Variants in GXYLT2 observed in about 807,000 individuals in gnomAD.
GXYLT2 encodes the protein glycosyltransferase 8 domain containing 4.
A neutral mutation model predicts 45.8 loss-of-function variants in GXYLT2; 53 were observed. The observed-to-expected ratio is 1.16, with a 90% CI of 0.93 to 1.46. The LOEUF is 1.46. Among genes scored for constraint, GXYLT2 ranks in the 40% most tolerant of loss-of-function variants. GXYLT2 has a pLI of 0.00. For synonymous variants in GXYLT2, 219 were observed against 214.2 expected, an observed-to-expected ratio of 1.02 and a Z score of -0.19; for missense variants, 551 against 544.4, an observed-to-expected ratio of 1.01 and a Z score of -0.12.
At chr3:72,918,710 G>A (rs1176898100) in intron 2 of GXYLT2, among the ~76,000 whole-genome samples, 2 of 151,926 alleles carry the variant, frequency 1.3e-5, no homozygotes, top group Non-Finnish European at 2.9e-5. Context: ...GTCTACTCGG[G>A]AGGCTACTCG....
intron 1 of GXYLT2, among the ~76,000 whole-genome samples, chr3:72,907,508 A>G (rs908600884): frequency 6.6e-6 from 1 of 151,888 alleles, no homozygotes; most frequent in South Asian, 2.1e-4. Flanking sequence ...ACTTCTTCCA[A>G]CTTGACTGCA....
intron 3 of GXYLT2, among the ~76,000 whole-genome samples, chr3:72,927,878 C>T (rs1390126192): frequency 6.6e-6 from 1 of 152,152 alleles, no homozygotes; most frequent in Non-Finnish European, 1.5e-5. Flanking sequence ...AGGATATTAG[C>T]TACAACTCTT....
Position 72,955,087 on chromosome 3 carries a change from T to TA in GXYLT2, c.601-10dup, listed in dbSNP as rs760895624. The stretch of plus-strand genomic sequence containing the variant: ...TCCTCTCCCCTTTACACCCACTCCT[T>TA]ACACACAAAGGTGATTTTAAAGGAT... On this transcript the variant is annotated splice_polypyrimidine_tract_variant and intron_variant, in intron 3 of 6. Transcript: ENST00000389617. The TA allele has an allele frequency of 6.2e-7, 1 of 1,612,922 alleles. No homozygotes were observed. The highest frequency in any genetic ancestry group is 1.7e-5 in the Admixed American group (1 of 60,002).
At chr3:72,889,896 G>GTTTTTTTTTTT (rs369830925) in intron 1 of GXYLT2, among the ~76,000 whole-genome samples, 7 of 135,532 alleles carry the variant, frequency 5.2e-5, no homozygotes, top group African/African-American at 2.0e-4. Context: ...TTTTCTTTTG[G>GTTTTTTTTTTT]TTTTTTTTTT....
intron 3 of GXYLT2, among the ~76,000 whole-genome samples, chr3:72,935,597 A>G (rs1201036920): frequency 6.6e-6 from 1 of 152,220 alleles, no homozygotes; most frequent in Non-Finnish European, 1.5e-5. Flanking sequence ...AGAAGATAAT[A>G]TTAGCTATCA....
intron 3 of GXYLT2, among the ~76,000 whole-genome samples, chr3:72,924,756 A>C (rs1372923004): frequency 6.6e-6 from 1 of 151,910 alleles, no homozygotes; most frequent in Non-Finnish European, 1.5e-5. Flanking sequence ...CATGAAAAGG[A>C]TTTTACCAGA....
intron 5 of GXYLT2, among the ~76,000 whole-genome samples, chr3:72,959,064 T>A (rs1327412573): frequency 7.3e-6 from 1 of 137,212 alleles, no homozygotes; most frequent in African/African-American, 2.7e-5. Flanking sequence ...CACCTCAGCC[T>A]CCCAAGTAGC....
chr3:72,965,553 A>G (rs1167003034), intron 5 of GXYLT2, among the ~76,000 whole-genome samples: 7 of 152,238 alleles, frequency 4.6e-5, no homozygotes, highest in Non-Finnish European at 4.4e-5. Context: ...CCGAGAAGCC[A>G]GGAAGCTAGG....
chr3:72,907,487 T>C (rs952854997), intron 1 of GXYLT2, among the ~76,000 whole-genome samples: 2 of 152,132 alleles, frequency 1.3e-5, no homozygotes, highest in African/African-American at 4.8e-5. Context: ...CAGGGCACCT[T>C]TTCCAGGCCA....
In GXYLT2 at chr3:72,919,088, C is replaced by T. The variant is rs114417849; in HGVS notation, c.469-3116C>T. Among the ~76,000 whole-genome samples, 1,158 of 152,186 alleles carry T rather than the reference C, an allele frequency of 7.6e-3. 15 individuals are homozygous for T. Among genetic ancestry groups the T allele is most frequent in the African/African-American group, 0.026 (1,099 of 41,518 alleles). On this transcript the variant is annotated intron_variant, in intron 2 of 6. Transcript: ENST00000389617. Reference sequence around the variant, plus strand: ...GACGGTTTGGCAGTTTCTTAGGAAGCTGAATATAGGCTTACTATACAATCC... The same window carrying T: ...GACGGTTTGGCAGTTTCTTAGGAAGTTGAATATAGGCTTACTATACAATCC...
intron 1 of GXYLT2, among the ~76,000 whole-genome samples, chr3:72,896,931 CT>C (rs906757877): frequency 3.3e-5 from 5 of 151,950 alleles, no homozygotes; most frequent in Admixed American, 2.6e-4. Context: ...AAATAACATG[CT>C]TTTTGCTGCC....
intron 5 of GXYLT2, among the ~76,000 whole-genome samples, chr3:72,967,174 T>C (rs575013700): frequency 1.3e-5 from 2 of 152,340 alleles, no homozygotes; most frequent in South Asian, 4.1e-4. Flanking sequence ...AGAGGTTGTA[T>C]TATTCCCATT....
At position 72,888,098 on chromosome 3, in the gene GXYLT2, C is replaced by A. The variant is rs1266334273; in HGVS notation, c.-136C>A. 2.2e-6 allele frequency: 1 copy of A among 445,930 alleles called. No individual in the cohort carries two copies. Among genetic ancestry groups the A allele is most frequent in the Non-Finnish European group, 2.9e-6 (1 of 339,908 alleles). 27.6% of individuals were successfully genotyped at this position (445,930 alleles called of 1,614,324 possible). On this transcript the variant is annotated 5_prime_UTR_variant, in exon 1 of 7. Coordinates refer to ENST00000389617, the MANE Select transcript of GXYLT2 (RefSeq NM_001080393.2). ...GTCGCCGCCGCCGCCGGCCGCCCGC[C>A]GGCCGCCACGACCCCAGTCCCCGGC...
Position 72,955,263 on chromosome 3 carries a change from G to C in GXYLT2, c.766G>C (p.Ala256Pro). 4.3e-6 allele frequency: 7 copies of C among 1,614,018 alleles called. No homozygotes were observed. Among genetic ancestry groups the C allele is most frequent in the Non-Finnish European group, 5.9e-6 (7 of 1,179,892 alleles). ...IPKIGWYSRF[A>P]RHPFYGSAGV... The stretch of plus-strand genomic sequence containing the variant: ...CAAGATTGGCTGGTACAGCCGCTTT[G>C]CTAGGCATCCTTTCTATGGCTCTGC... The change falls in exon 4 of 7, where the codon GCT becomes CCT. Residue 256 changes from alanine to proline, a missense_variant. Coordinates refer to ENST00000389617, the MANE Select transcript of GXYLT2 (RefSeq NM_001080393.2).
At chr3:72,924,925 G>A (rs551287108) in intron 3 of GXYLT2, among the ~76,000 whole-genome samples, 2 of 152,168 alleles carry the variant, frequency 1.3e-5, no homozygotes, top group South Asian at 4.1e-4. Flanking sequence ...AGCAGTTTTG[G>A]TAAAGGGGTC....
At chr3:72,955,411 A>T (rs1710621786) in intron 4 of GXYLT2, 62 bp downstream of exon 4, 1 of 1,549,644 alleles carries the variant, frequency 6.5e-7, no homozygotes, top group Admixed American at 1.7e-5. Context: ...CAACAGTGGC[A>T]CTACCAGAGT....
At position 72,957,111 on chromosome 3, in the gene GXYLT2, C is replaced by T. The variant is rs1284130167; in HGVS notation, c.853-118C>T. 4 of 1,029,210 alleles carry T rather than the reference C, an allele frequency of 3.9e-6. No homozygotes were observed. In the South Asian group the frequency reaches 7.8e-5, roughly 20 times the overall value. 63.8% of individuals were successfully genotyped at this position (1,029,210 alleles called of 1,614,324 possible). On this transcript the variant is annotated intron_variant, in intron 4 of 6. Transcript: ENST00000389617. ...TCTGTGACCTGAGAATAGCAGGACC[C>T]CTCCTGTATTTGTTTCCCTCCTCTG...
At chr3:72,933,134 T>G (rs936492118) in intron 3 of GXYLT2, among the ~76,000 whole-genome samples, 1 of 152,214 alleles carries the variant, frequency 6.6e-6, no homozygotes, top group African/African-American at 2.4e-5. Flanking sequence ...TTTTTAGGAC[T>G]GATATGTAGC....
rs73838429 is a variant in GXYLT2, at chr3:72,947,264, T to C, written c.601-7834T>C. On this transcript the variant is annotated intron_variant, in intron 3 of 6. Transcript: ENST00000389617. Reference sequence around the variant, plus strand: ...TCTCAGATAGAGAAGACCCTGGCTGTAGACGGGGAGAGAATTAGGAGCTCA... The same window carrying C: ...TCTCAGATAGAGAAGACCCTGGCTGCAGACGGGGAGAGAATTAGGAGCTCA... Among the ~76,000 whole-genome samples, 501 of 152,274 alleles carry C rather than the reference T, an allele frequency of 3.3e-3. 3 individuals are homozygous for C. The highest frequency in any genetic ancestry group is 0.011 in the African/African-American group (461 of 41,552).
Sources: allele counts gnomAD v4.1 joint callset (sites outside exome capture counted in the v4.1 genomes callset), GRCh38; gene constraint gnomAD v4.1.1; transcripts MANE v1.5; gene names NCBI Gene and HGNC (gene_info 2026-07-23, HGNC 2026-07-21).